Variants in HERC3 observed in about 807,000 individuals in gnomAD.
The protein encoded by HERC3 is probable E3 ubiquitin-protein ligase HERC3.
A neutral mutation model predicts 129.9 loss-of-function variants in HERC3; 58 were observed. The observed-to-expected ratio is 0.45, with a 90% confidence interval of 0.36 to 0.56. The LOEUF (loss-of-function observed/expected upper bound fraction) is 0.56, where lower values mean the gene tolerates loss of function less well. HERC3 is among the 20% of genes least tolerant of loss of function. HERC3 has a pLI of 0.00. For missense variants in HERC3, 835 were observed against 1,244.2 expected, an observed-to-expected ratio of 0.67 and a Z score of 4.95; for synonymous variants, 430 against 451.0, an observed-to-expected ratio of 0.95 and a Z score of 0.59.
In HERC3 at chr4:88,649,540, T is replaced by G. The variant is rs559413701; in HGVS notation, c.227-300T>G. 8.5e-5 allele frequency among the ~76,000 whole-genome samples: 13 copies of G among 152,258 alleles called. 1 individual carries two copies. In the South Asian group the frequency reaches 2.7e-3, roughly 32 times the overall value. ...TGGAACATCTCCAAATAGTACAGGCTTCTCCCTGGAGAGAGAAGCACCAGG... is the reference window on the plus strand; with the variant it reads ...TGGAACATCTCCAAATAGTACAGGCGTCTCCCTGGAGAGAGAAGCACCAGG... On this transcript the variant is annotated intron_variant, in intron 3 of 25. Coordinates refer to ENST00000402738, the MANE Select transcript of HERC3 (RefSeq NM_014606.3).
chr4:88,604,704 A>G (rs192743680), intron 2 of HERC3, among the ~76,000 whole-genome samples: 241 of 152,350 alleles, frequency 1.6e-3, no homozygotes, highest in Non-Finnish European at 2.6e-3. Context: ...TTCAATATGT[A>G]TAATGCTGTT....
chr4:88,706,726 C>G, intron 25 of HERC3, 26 bp from the exon 26 acceptor site: 1 of 1,602,454 alleles, frequency 6.2e-7, no homozygotes, highest in Non-Finnish European at 8.5e-7. Context: ...TGCTTAGCTG[C>G]TAATGCCATT....
intron 3 of HERC3, among the ~76,000 whole-genome samples, chr4:88,641,423 T>C (rs3017927): frequency 0.12 from 17,777 of 152,014 alleles, 1,966 homozygotes; most frequent in East Asian, 0.3. Context: ...GCATAATAAA[T>C]GGAAGATAAG....
intron 3 of HERC3, among the ~76,000 whole-genome samples, chr4:88,634,769 C>T (rs545696862): frequency 2.0e-4 from 31 of 151,378 alleles, no homozygotes; most frequent in Non-Finnish European, 3.8e-4. Flanking sequence ...GGTCAGTGCC[C>T]CTCGAGGTCA....
chr4:88,654,011 T>G, intron 6 of HERC3, 31 bp from the exon 7 acceptor site: 1 of 1,471,052 alleles, frequency 6.8e-7, no homozygotes, highest in African/African-American at 1.4e-5. Context: ...AGGCAAATGG[T>G]AGTGATATTC....
Position 88,686,759 on chromosome 4 carries a change from A to G in HERC3, c.2531A>G (p.Tyr844Cys). The G allele has an allele frequency of 6.2e-7, 1 of 1,610,366 alleles. No homozygotes were observed. ...EGRSLQELLD[Y>C]PGEDVEETFC... ...AGGAGTCTCCAAGAGCTTTTAGATTACCCCGGGGAGGATGTGGAGGAGACT... is the reference window on the plus strand; with the variant it reads ...AGGAGTCTCCAAGAGCTTTTAGATTGCCCCGGGGAGGATGTGGAGGAGACT... The change falls in exon 22 of 26, where the codon TAC (tyrosine) becomes TGC (cysteine). Residue 844 changes from tyrosine to cysteine, a missense_variant. Physicochemically the swap from Tyr to Cys is radical, Grantham distance 194 (BLOSUM62 -2). Coordinates refer to ENST00000402738, the MANE Select transcript of HERC3 (RefSeq NM_014606.3).
the HERC3 span, among the ~76,000 whole-genome samples, chr4:88,555,866 C>A: frequency 6.6e-6 from 1 of 152,092 alleles, no homozygotes; most frequent in Non-Finnish European, 1.5e-5. Flanking sequence ...AAATTGGTGA[C>A]CTGTTAAGCT....
At chr4:88,548,317 T>C in the HERC3 span, among the ~76,000 whole-genome samples, 1 of 152,306 alleles carries the variant, frequency 6.6e-6, no homozygotes, top group East Asian at 1.9e-4. Flanking sequence ...CTACCAGCAG[T>C]ATATGGGGAT....
At chr4:88,697,125 T>C in intron 23 of HERC3, 1 of 1,376,420 alleles carries the variant, frequency 7.3e-7, no homozygotes, top group Non-Finnish European at 9.7e-7. Context: ...CCTGAGCCTT[T>C]TTAAGTCCAT....
At chr4:88,650,211 G>A (rs893428847) in intron 4 of HERC3, among the ~76,000 whole-genome samples, 1 of 152,148 alleles carries the variant, frequency 6.6e-6, no homozygotes, top group African/African-American at 2.4e-5. Flanking sequence ...GTTGGGAACT[G>A]TACTTTATTT....
intron 10 of HERC3, 116 bp from the exon 11 acceptor site, chr4:88,662,315 C>T (rs1578265439): frequency 1.9e-6 from 2 of 1,037,676 alleles, no homozygotes; most frequent in East Asian, 2.6e-5. Flanking sequence ...GGGCGGCACA[C>T]TGCAGCATTT....
At chr4:88,530,352 C>G in the HERC3 span, among the ~76,000 whole-genome samples, 1 of 151,440 alleles carries the variant, frequency 6.6e-6, no homozygotes, top group African/African-American at 2.4e-5. Context: ...GTGGAATAAA[C>G]AGCACAGGAT....
chr4:88,570,083 A>C, the HERC3 span, among the ~76,000 whole-genome samples: 1 of 152,366 alleles, frequency 6.6e-6, no homozygotes, highest in East Asian at 1.9e-4. Flanking sequence ...AGGACTGAGC[A>C]GGTGTGGTTG....
the HERC3 span, among the ~76,000 whole-genome samples, chr4:88,549,041 A>G: frequency 6.6e-6 from 1 of 152,120 alleles, no homozygotes; most frequent in East Asian, 1.9e-4. Context: ...TTTTGGTGTC[A>G]TATCTAAGAA....
chr4:88,547,421 G>T, the HERC3 span, among the ~76,000 whole-genome samples: 44 of 151,958 alleles, frequency 2.9e-4, no homozygotes, highest in African/African-American at 1.0e-3. Flanking sequence ...TAGTATATTC[G>T]GAGTTGCACA....
chr4:88,697,344 C>CT, intron 23 of HERC3: 1 of 1,614,018 alleles, frequency 6.2e-7, no homozygotes, highest in Non-Finnish European at 8.5e-7. Context: ...CCTCCTCCTC[C>CT]TCCCCCTCCA....
intron 2 of HERC3, among the ~76,000 whole-genome samples, chr4:88,600,332 T>C (rs1722843261): frequency 6.6e-6 from 1 of 152,244 alleles, no homozygotes; most frequent in South Asian, 2.1e-4. Context: ...ACAGAGCCAT[T>C]GTTTCTGAGG....
intron 23 of HERC3, among the ~76,000 whole-genome samples, chr4:88,698,692 C>T (rs1362198003): frequency 6.6e-6 from 1 of 151,962 alleles, no homozygotes; most frequent in Admixed American, 6.6e-5. Flanking sequence ...ACACCGTCTG[C>T]TTCCCTGCCT....
At chr4:88,568,457 G>A in the HERC3 span, among the ~76,000 whole-genome samples, 1 of 152,184 alleles carries the variant, frequency 6.6e-6, no homozygotes, top group African/African-American at 2.4e-5. Flanking sequence ...ACATGGTGCT[G>A]TATTCTACTG....
Sources: allele counts gnomAD v4.1 joint callset (sites outside exome capture counted in the v4.1 genomes callset), GRCh38; gene constraint gnomAD v4.1.1; transcripts MANE v1.5; gene names NCBI Gene and HGNC (gene_info 2026-07-23, HGNC 2026-07-21).